Variants in RBFOX1 observed in about 807,000 individuals in gnomAD.
RBFOX1 encodes RNA binding protein fox-1 homolog 1.
Under a neutral mutation model 57.7 loss-of-function variants are expected in RBFOX1, and 8 were observed. The observed-to-expected ratio is 0.14, with a 90% CI of 0.08 to 0.25. The LOEUF (loss-of-function observed/expected upper bound fraction) is 0.25. RBFOX1 is among the 10% of genes least tolerant of loss of function. The pLI is 1.00. For synonymous variants in RBFOX1, 326 were observed against 222.4 expected (o/e 1.47, Z -4.15); for missense variants, 611 against 548.5 (o/e 1.11, Z -1.14).
intron 2 of RBFOX1, among the ~76,000 whole-genome samples, chr16:5,556,460 A>G (rs1368229331): frequency 6.6e-6 from 1 of 152,218 alleles, no homozygotes; most frequent in African/African-American, 2.4e-5. Context: ...AGTTCAGAGA[A>G]TGGGAAAGTA....
intron 4 of RBFOX1, among the ~76,000 whole-genome samples, chr16:7,372,751 A>T (rs1449225847): frequency 6.6e-6 from 1 of 152,048 alleles, no homozygotes; most frequent in Non-Finnish European, 1.5e-5. Context: ...AAAAAGCAGC[A>T]ATGGGAAAAG....
chr16:5,533,534 T>C (rs908651563), intron 2 of RBFOX1, among the ~76,000 whole-genome samples: 2 of 152,104 alleles, frequency 1.3e-5, no homozygotes, highest in African/African-American at 4.8e-5. Context: ...ACATTTAAAG[T>C]CTGAGCAGAC....
intron 4 of RBFOX1, among the ~76,000 whole-genome samples, chr16:7,470,800 T>C (rs1020151194): frequency 6.6e-6 from 1 of 152,112 alleles, no homozygotes; most frequent in African/African-American, 2.4e-5. Context: ...GGGGTGGTCA[T>C]GTGATGATAA....
At chr16:6,486,441 TATTA>T (rs1272331084) in intron 2 of RBFOX1, among the ~76,000 whole-genome samples, 2 of 152,140 alleles carry the variant, frequency 1.3e-5, no homozygotes, top group South Asian at 2.1e-4. Context: ...AAATGATTAT[TATTA>T]ATTAAACTTA....
chr16:6,887,590 T>A (rs1468754543), intron 3 of RBFOX1, among the ~76,000 whole-genome samples: 1 of 152,072 alleles, frequency 6.6e-6, no homozygotes, highest in East Asian at 1.9e-4. Flanking sequence ...TTCTGCCATA[T>A]CACCATAGAG....
intron 2 of RBFOX1, among the ~76,000 whole-genome samples, chr16:6,394,715 T>C (rs1357273790): frequency 6.6e-6 from 1 of 151,888 alleles, no homozygotes; most frequent in African/African-American, 2.4e-5. Context: ...TGTAAGTATG[T>C]ATATACTCCA....
At chr16:5,479,175 C>A (rs1407714260) in intron 2 of RBFOX1, among the ~76,000 whole-genome samples, 1 of 152,130 alleles carries the variant, frequency 6.6e-6, no homozygotes, top group Non-Finnish European at 1.5e-5. Flanking sequence ...CCCTCATTAT[C>A]TTCTGTCATG....
intron 1 of RBFOX1, among the ~76,000 whole-genome samples, chr16:6,254,223 A>G (rs1055314471): frequency 1.3e-5 from 2 of 152,174 alleles, no homozygotes; most frequent in Non-Finnish European, 2.9e-5. Flanking sequence ...TGTATAGGTT[A>G]TCATGCAGTG....
At chr16:5,807,362 G>T (rs1177894863) in intron 3 of RBFOX1, among the ~76,000 whole-genome samples, 1 of 152,110 alleles carries the variant, frequency 6.6e-6, no homozygotes, top group Non-Finnish European at 1.5e-5. Context: ...TCTTCAGGAT[G>T]CCACAGGGCC....
chr16:6,579,723 C>T (rs1364998669), intron 2 of RBFOX1, among the ~76,000 whole-genome samples: 2 of 151,976 alleles, frequency 1.3e-5, no homozygotes, highest in Non-Finnish European at 2.9e-5. Context: ...TTAGTAGCAG[C>T]GTGGGAACAG....
chr16:6,487,729 ATATATATATATATATATATAT>A (rs1241704386), intron 2 of RBFOX1, among the ~76,000 whole-genome samples: 3,822 of 44,288 alleles, frequency 0.086, 262 homozygotes, highest in East Asian at 0.17. Context: ...ATATATATAT[ATATATATATATATATATATAT>A]ATATAAAATA....
At chr16:6,914,522 C>G (rs556620206) in intron 3 of RBFOX1, among the ~76,000 whole-genome samples, 6 of 151,984 alleles carry the variant, frequency 3.9e-5, no homozygotes, top group South Asian at 2.1e-4. Flanking sequence ...AAGTGAGAAT[C>G]TCTCTGGACA....
intron 5 of RBFOX1, among the ~76,000 whole-genome samples, chr16:7,545,818 C>T (rs1400457640): frequency 6.6e-6 from 1 of 152,056 alleles, no homozygotes; most frequent in East Asian, 1.9e-4. Context: ...CACTGAATAA[C>T]CATCATCAAG....
chr16:7,687,336 A>T (rs546513539), intron 14 of RBFOX1, among the ~76,000 whole-genome samples: 1 of 152,164 alleles, frequency 6.6e-6, no homozygotes, highest in South Asian at 2.1e-4. Flanking sequence ...TTTGAAGGTG[A>T]TAAAACTGAA....
chr16:7,626,082 A>G (rs1398299332), intron 10 of RBFOX1, among the ~76,000 whole-genome samples: 1 of 152,262 alleles, frequency 6.6e-6, no homozygotes, highest in Non-Finnish European at 1.5e-5. Flanking sequence ...AGCTGAGTCC[A>G]GAAAGGAGTT....
chr16:7,149,689 G>A (rs2075747510), intron 4 of RBFOX1, among the ~76,000 whole-genome samples: 1 of 151,510 alleles, frequency 6.6e-6, no homozygotes, highest in South Asian at 2.1e-4. Flanking sequence ...TAGGATTACA[G>A]GCATGAGCCA....
chr16:6,127,198 C>A (rs1305595073), intron 1 of RBFOX1, among the ~76,000 whole-genome samples: 1 of 151,876 alleles, frequency 6.6e-6, no homozygotes, highest in Non-Finnish European at 1.5e-5. Flanking sequence ...ATGAGGAGGA[C>A]TGCCCTAGAT....
intron 3 of RBFOX1, among the ~76,000 whole-genome samples, chr16:7,028,399 T>G (rs2041615269): frequency 6.6e-6 from 1 of 151,930 alleles, no homozygotes; most frequent in Non-Finnish European, 1.5e-5. Flanking sequence ...CATCTTGGGC[T>G]CTGCATGGAG....
At chr16:7,554,023 C>T (rs770997471) in intron 5 of RBFOX1, among the ~76,000 whole-genome samples, 1 of 152,090 alleles carries the variant, frequency 6.6e-6, no homozygotes, top group Non-Finnish European at 1.5e-5. Flanking sequence ...GTGAGGGGAT[C>T]GCTTGAGCCC....
Sources: gnomAD v4.1 joint callset for allele counts (sites outside exome capture counted in the v4.1 genomes callset) on GRCh38, gnomAD v4.1.1 for gene constraint, MANE v1.5 for transcripts, NCBI Gene and HGNC (gene_info 2026-07-23, HGNC 2026-07-21) for gene names.